DPF3: variants seen among roughly 807,000 people sequenced by gnomAD.
DPF3 encodes the protein double PHD fingers 3.
In DPF3, 18 loss-of-function variants were observed where a neutral mutation model predicts 56.8. The ratio of observed to expected loss-of-function variants is 0.32; its 90% CI spans 0.22 to 0.47. DPF3 has a LOEUF of 0.47. Among genes scored for constraint, DPF3 ranks in the 20% least tolerant of loss-of-function variants. DPF3 has a pLI of 1.00. For missense variants in DPF3, 403 were observed against 488.8 expected (o/e 0.82, Z 1.65); for synonymous variants, 188 against 180.2 (o/e 1.04, Z -0.35).
At chr14:72,851,445 A>G (rs1884981547) in intron 1 of DPF3, among the ~76,000 whole-genome samples, 1 of 152,060 alleles carries the variant, frequency 6.6e-6, no homozygotes, top group Non-Finnish European at 1.5e-5. Context: ...TGCCGTTTCC[A>G]TTTCTTTGAT....
At chr14:72,856,223 C>T (rs927028442) in intron 1 of DPF3, among the ~76,000 whole-genome samples, 2 of 152,214 alleles carry the variant, frequency 1.3e-5, no homozygotes, top group African/African-American at 4.8e-5. Context: ...AATTCCACTA[C>T]TCCAATTCTG....
At chr14:72,843,079 G>A (rs1045657356) in intron 1 of DPF3, among the ~76,000 whole-genome samples, 2 of 152,052 alleles carry the variant, frequency 1.3e-5, no homozygotes, top group African/African-American at 4.8e-5. Context: ...AGCGGACAAG[G>A]CTCTTGGAGC....
chr14:72,748,000 TA>T (rs1464321226), intron 3 of DPF3, among the ~76,000 whole-genome samples: 1 of 152,242 alleles, frequency 6.6e-6, no homozygotes. Context: ...AGTAAATTGG[TA>T]CCAGTAGAGT....
chr14:72,623,341 G>A (rs1884583359), intron 9 of DPF3, among the ~76,000 whole-genome samples: 1 of 151,942 alleles, frequency 6.6e-6, no homozygotes, highest in East Asian at 1.9e-4. Context: ...GAAAAATGAG[G>A]CAAATGAATT....
At chr14:72,853,248 G>A (rs893711782) in intron 1 of DPF3, 1 of 151,588 alleles carries the variant, frequency 6.6e-6, no homozygotes, top group African/African-American at 2.4e-5. Flanking sequence ...GAGCAGCAGT[G>A]AGAAAGGGGG....
At chr14:72,625,351 T>C (rs1691347179) in intron 9 of DPF3, among the ~76,000 whole-genome samples, 4 of 152,220 alleles carry the variant, frequency 2.6e-5, no homozygotes, top group Admixed American at 2.6e-4. Flanking sequence ...ATTTTTTTGC[T>C]CAAGTTTTCC....
At chr14:72,700,684 T>C (rs948014581) in intron 6 of DPF3, among the ~76,000 whole-genome samples, 4 of 152,224 alleles carry the variant, frequency 2.6e-5, no homozygotes, top group Non-Finnish European at 5.9e-5. Flanking sequence ...GTGGGCAGGC[T>C]GGATCTGAAC....
At chr14:72,848,324 C>A (rs936631429) in intron 1 of DPF3, among the ~76,000 whole-genome samples, 6 of 151,992 alleles carry the variant, frequency 3.9e-5, no homozygotes, top group Admixed American at 3.9e-4. Context: ...CCACCATGCC[C>A]GGCTAATTTT....
At chr14:72,874,073 A>T (rs1449413940) in intron 1 of DPF3, among the ~76,000 whole-genome samples, 1 of 47,146 alleles carries the variant, frequency 2.1e-5, no homozygotes, top group Non-Finnish European at 4.2e-5. Flanking sequence ...AAAGTATGAT[A>T]AAAAAAAAAA....
rs1057176353 is a variant in DPF3 at position 72,614,436 on chromosome 14, G to A, written c.*4861C>T. Among the ~76,000 whole-genome samples, 20 of 152,302 alleles carry A rather than the reference G, an allele frequency of 1.3e-4. No individual in the cohort carries two copies. The highest frequency in any genetic ancestry group is 4.6e-4 in the African/African-American group (19 of 41,568). Reference sequence around the variant, plus strand: ...GGAGGAGCTCTGTCCACTTTGCAGAGGGGAGAGGAGCAGGATGGCCAGTCC... The same window carrying A: ...GGAGGAGCTCTGTCCACTTTGCAGAAGGGAGAGGAGCAGGATGGCCAGTCC... On this transcript the variant is annotated 3_prime_UTR_variant, in exon 11 of 11. Transcript: ENST00000556509.
intron 1 of DPF3, among the ~76,000 whole-genome samples, chr14:72,862,628 C>A (rs1205525258): frequency 1.3e-5 from 2 of 152,120 alleles, no homozygotes; most frequent in Non-Finnish European, 2.9e-5. Flanking sequence ...CTGCACCAGC[C>A]ACATGGCTTC....
At chr14:72,891,301 C>T (rs979598571) in intron 1 of DPF3, among the ~76,000 whole-genome samples, 15 of 128,682 alleles carry the variant, frequency 1.2e-4, no homozygotes, top group Non-Finnish European at 2.2e-4. Flanking sequence ...TAGGAGACGT[C>T]CGTGGTGTTG....
At position 72,619,243 on chromosome 14, in the gene DPF3, C is replaced by T; in HGVS notation, c.*54G>A. ...GGAGGAGGGCGCGTTCTGGTTTGAA[C>T]TGGGCTCTGCTTTAGGATCTCCAGC... On this transcript the variant is annotated 3_prime_UTR_variant, in exon 11 of 11. Transcript: ENST00000556509. 2.0e-6 allele frequency: 3 copies of T among 1,521,180 alleles called. No individual in the cohort carries two copies. The highest frequency in any genetic ancestry group is 2.6e-6 in the Non-Finnish European group (3 of 1,135,418). The allele number at this position is 1,521,180 out of a possible 1,614,324, so 94.2% of individuals were successfully genotyped here.
chr14:72,672,399 G>A (rs542664125), intron 8 of DPF3, among the ~76,000 whole-genome samples: 31 of 152,268 alleles, frequency 2.0e-4, no homozygotes, highest in African/African-American at 6.5e-4. Flanking sequence ...TGGAAGGACC[G>A]TAGGGAGGCT....
At chr14:72,674,110 C>T (rs1235827829) in intron 8 of DPF3, 130 bp downstream of exon 8, 2 of 1,320,862 alleles carry the variant, frequency 1.5e-6, no homozygotes, top group African/African-American at 3.0e-5. Context: ...GAGCTGAAAA[C>T]TCCTCTCCAC....
intron 3 of DPF3, among the ~76,000 whole-genome samples, chr14:72,749,873 A>AG (rs1348372994): frequency 1.3e-5 from 2 of 151,200 alleles, no homozygotes; most frequent in Admixed American, 6.6e-5. Flanking sequence ...AGAAAAGAAA[A>AG]AAAAGTAAGA....
intron 5 of DPF3, among the ~76,000 whole-genome samples, chr14:72,722,104 T>C (rs1313508503): frequency 1.3e-5 from 2 of 152,232 alleles, no homozygotes; most frequent in Non-Finnish European, 2.9e-5. Context: ...TTGGATATGA[T>C]AATGATATCT....
At chr14:72,641,513 C>T (rs1045405397) in intron 8 of DPF3, among the ~76,000 whole-genome samples, 2 of 152,192 alleles carry the variant, frequency 1.3e-5, no homozygotes, top group Non-Finnish European at 2.9e-5. Context: ...TCCTAGGTGA[C>T]TGAGCCTTGC....
At position 72,726,463 on chromosome 14, in the gene DPF3, C is replaced by T. The variant is rs149767490; in HGVS notation, c.430-2735G>A. On this transcript the variant is annotated intron_variant, in intron 4 of 10. Coordinates refer to ENST00000556509, the MANE Select transcript of DPF3 (RefSeq NM_001280542.3). ...TCTCTTCTCCCTGAGGCTCCATCCT[C>T]CCTCTGCCCATCAGCTTCCCTGTGA... Among the ~76,000 whole-genome samples, 329 of 152,328 alleles carry T rather than the reference C, an allele frequency of 2.2e-3. 1 individual carries two copies. The highest frequency in any genetic ancestry group is 7.6e-3 in the African/African-American group (317 of 41,574).
Sources: allele counts gnomAD v4.1 joint callset (sites outside exome capture counted in the v4.1 genomes callset), GRCh38; gene constraint gnomAD v4.1.1; transcripts MANE v1.5; gene names NCBI Gene and HGNC (gene_info 2026-07-23, HGNC 2026-07-21).